GAN: variants seen among roughly 807,000 people sequenced by gnomAD.
GAN encodes epididymis secretory sperm binding protein.
Under a neutral mutation model 71.3 loss-of-function variants are expected in GAN, and 48 were observed. The observed-to-expected ratio is 0.67, with a 90% CI of 0.53 to 0.86. GAN has a LOEUF of 0.86. Among genes scored for constraint, GAN ranks in the 40% least tolerant of loss-of-function variants. The pLI is 0.00. For synonymous variants in GAN, 386 were observed against 276.8 expected, an observed-to-expected ratio of 1.39 and a Z score of -3.92; for missense variants, 928 against 770.1, an observed-to-expected ratio of 1.21 and a Z score of -2.43.
At chr16:81,372,221 GC>G (rs1338108843) in intron 9 of GAN, among the ~76,000 whole-genome samples, 1 of 152,192 alleles carries the variant, frequency 6.6e-6, no homozygotes, top group African/African-American at 2.4e-5. Context: ...GTACTGACAA[GC>G]CCGTTTGAAA....
chr16:81,371,253 G>T (rs777897075), intron 9 of GAN, among the ~76,000 whole-genome samples: 1 of 152,278 alleles, frequency 6.6e-6, no homozygotes, highest in East Asian at 1.9e-4. Context: ...CACTGTGGTA[G>T]TTGTGTTCAA....
chr16:81,374,440 C>G (rs1904275426), intron 9 of GAN, among the ~76,000 whole-genome samples: 1 of 152,204 alleles, frequency 6.6e-6, no homozygotes, highest in Non-Finnish European at 1.5e-5. Flanking sequence ...CTGCAGAAGT[C>G]ATTACTGTGG....
chr16:81,362,660 A>AGC, intron 6 of GAN, 49 bp downstream of exon 6: 1 of 987,282 alleles, frequency 1.0e-6, no homozygotes, highest in Non-Finnish European at 1.6e-6. Flanking sequence ...CTTTCCCCTT[A>AGC]GCGCTTCTGT....
Position 81,365,422 on chromosome 16 carries a change from C to T in GAN, c.1446C>T (p.Ala482=), listed in dbSNP as rs766129455. 2 of 1,613,110 alleles carry T rather than the reference C, an allele frequency of 1.2e-6. No homozygotes were observed. Among genetic ancestry groups the T allele is most frequent in the Admixed American group, 1.7e-5 (1 of 59,912 alleles). ...VFGGVRSRED[A]QGSEMVTCKS... ...GGGGAGTCCGAAGTCGTGAGGACGC[C>T]CAGGGTAGCGAGATGGTAACTTGCA... The change falls in exon 9 of 11, where the codon GCC becomes GCT. Residue 482 remains alanine, a synonymous_variant. Coordinates refer to ENST00000648994, the MANE Select transcript of GAN (RefSeq NM_022041.4).
At chr16:81,329,771 G>A (rs1161948818) in intron 1 of GAN, among the ~76,000 whole-genome samples, 4 of 152,078 alleles carry the variant, frequency 2.6e-5, no homozygotes, top group African/African-American at 9.7e-5. Flanking sequence ...CCTATACCTT[G>A]ATTAGACATA....
At chr16:81,353,265 G>C (rs4889310) in intron 2 of GAN, among the ~76,000 whole-genome samples, 66,887 of 145,912 alleles carry the variant, frequency 0.46, 15,703 homozygotes, top group Middle Eastern at 0.57. Flanking sequence ...GCACTCCAGC[G>C]TGGGCGACAG....
At chr16:81,356,653 G>C in intron 3 of GAN, 132 bp from the exon 4 acceptor site, 1 of 765,174 alleles carries the variant, frequency 1.3e-6, no homozygotes, top group South Asian at 1.4e-5. Context: ...AGCAGCACGA[G>C]TGTGTCTCAC....
At chr16:81,369,913 C>G (rs1318202151) in intron 9 of GAN, among the ~76,000 whole-genome samples, 2 of 152,234 alleles carry the variant, frequency 1.3e-5, no homozygotes, top group Non-Finnish European at 2.9e-5. Flanking sequence ...TTTTCATAAA[C>G]TTAATCAGGT....
intron 1 of GAN, among the ~76,000 whole-genome samples, chr16:81,349,572 A>G (rs950850437): frequency 6.6e-6 from 1 of 152,160 alleles, no homozygotes; most frequent in Non-Finnish European, 1.5e-5. Context: ...TGAACCCAGG[A>G]GGAGGAGGTT....
chr16:81,364,233 A>G (rs1158079472), intron 7 of GAN, among the ~76,000 whole-genome samples: 3 of 151,282 alleles, frequency 2.0e-5, no homozygotes, highest in South Asian at 2.1e-4. Flanking sequence ...TTCCCAACCT[A>G]TTTTCTTTCT....
rs1371088595 is a variant in GAN at position 81,356,831 on chromosome 16, A to T, written c.680A>T (p.Asp227Val). ...TCAGCTCTGTGGGTTTCAGGGTTGG[A>T]CTCCAGTTATTTACGGGAACAGATG... is the stretch of plus-strand genomic sequence containing the variant. Reference protein sequence around the residue: ...VMSALWVSGLDSSYLREQMLN... With the variant: ...VMSALWVSGLVSSYLREQMLN... The change falls in exon 4 of 11, where the codon GAC (aspartate) becomes GTC (valine). Residue 227 changes from aspartate (D) to valine (V), a missense_variant. By Grantham distance (152) the Asp-to-Val change is radical. Transcript: ENST00000648994. 1.2e-6 allele frequency: 2 copies of T among 1,613,746 alleles called. No individual in the cohort carries two copies. The highest frequency in any genetic ancestry group is 1.7e-6 in the Non-Finnish European group (2 of 1,179,762).
intron 1 of GAN, among the ~76,000 whole-genome samples, chr16:81,317,550 T>G (rs1156898918): frequency 6.6e-6 from 1 of 152,246 alleles, no homozygotes. Flanking sequence ...CCCATTGAAT[T>G]AGGAAATATC....
rs754924399 is a variant in GAN, at chr16:81,386,470, A to G, written c.*8874A>G. ...GTGTGTGGAACTTTTGTACCTTTGCATAAAGAAGGTTATTTAACAAAGTGG... is the reference window on the plus strand; with the variant it reads ...GTGTGTGGAACTTTTGTACCTTTGCGTAAAGAAGGTTATTTAACAAAGTGG... On this transcript the variant is annotated 3_prime_UTR_variant, in exon 11 of 11. Transcript: ENST00000648994. 6.6e-6 allele frequency: 1 copy of G among 152,242 alleles called. No individual in the cohort carries two copies. The highest frequency in any genetic ancestry group is 2.4e-5 in the African/African-American group (1 of 41,466). The allele number at this position is 152,242 out of a possible 1,614,324, so 9.4% of individuals were successfully genotyped here.
intron 5 of GAN, among the ~76,000 whole-genome samples, chr16:81,358,660 T>TA (rs1156757042): frequency 6.6e-6 from 1 of 152,110 alleles, no homozygotes; most frequent in Non-Finnish European, 1.5e-5. Context: ...AAATGCTACT[T>TA]ATATAGGCAA....
At chr16:81,362,154 C>T (rs923506580) in intron 5 of GAN, among the ~76,000 whole-genome samples, 13 of 152,062 alleles carry the variant, frequency 8.5e-5, no homozygotes, top group Admixed American at 2.6e-4. Context: ...ATGTGCGCTG[C>T]GGTGCAAAAG....
At chr16:81,375,033 A>C (rs767723963) in intron 9 of GAN, among the ~76,000 whole-genome samples, 23 of 152,234 alleles carry the variant, frequency 1.5e-4, no homozygotes, top group Non-Finnish European at 2.2e-4. Flanking sequence ...TAGGAGAAAA[A>C]TCTTCGTATT....
chr16:81,358,055 T>G, intron 5 of GAN, 124 bp downstream of exon 5: 1 of 868,142 alleles, frequency 1.2e-6, no homozygotes, highest in Non-Finnish European at 1.9e-6. Context: ...ACATTTTTAG[T>G]GTAGTTCTAG....
At chr16:81,366,688 C>G (rs1057095921) in intron 9 of GAN, among the ~76,000 whole-genome samples, 1 of 152,026 alleles carries the variant, frequency 6.6e-6, no homozygotes, top group Non-Finnish European at 1.5e-5. Context: ...CAGGAATAGA[C>G]TATCTTAGGA....
chr16:81,330,785 A>G (rs1909549825), intron 1 of GAN, among the ~76,000 whole-genome samples: 1 of 152,264 alleles, frequency 6.6e-6, no homozygotes, highest in Non-Finnish European at 1.5e-5. Context: ...GAGAAACCCA[A>G]GAGGTACCAC....
Sources: allele counts gnomAD v4.1 joint callset (sites outside exome capture counted in the v4.1 genomes callset), GRCh38; gene constraint gnomAD v4.1.1; transcripts MANE v1.5; gene names NCBI Gene and HGNC (gene_info 2026-07-23, HGNC 2026-07-21).